Variants in CDH12 observed in about 807,000 individuals in gnomAD.
The protein encoded by CDH12 is cadherin 12.
CDH12 carries 41 observed loss-of-function variants against 74.1 expected under a neutral mutation model. That is an observed-to-expected ratio of 0.55 (90% confidence interval 0.43 to 0.72). CDH12 has a LOEUF of 0.72. Among genes scored for constraint, CDH12 ranks in the 30% least tolerant of loss-of-function variants. CDH12 has a pLI of 0.00. For synonymous variants in CDH12, 399 were observed against 355.0 expected, an observed-to-expected ratio of 1.12 and a Z score of -1.39; for missense variants, 945 against 977.2, an observed-to-expected ratio of 0.97 and a Z score of 0.44.
intron 1 of CDH12, among the ~76,000 whole-genome samples, chr5:22,779,575 A>C (rs1361551958): frequency 6.6e-6 from 1 of 152,162 alleles, no homozygotes; most frequent in African/African-American, 2.4e-5. Context: ...TAATCCCCAC[A>C]TCGAGGGAGG....
chr5:22,725,202 T>C (rs1744099706), intron 1 of CDH12, among the ~76,000 whole-genome samples: 1 of 151,950 alleles, frequency 6.6e-6, no homozygotes, highest in Non-Finnish European at 1.5e-5. Flanking sequence ...ACCTGTTCTC[T>C]TTAATTTAGT....
chr5:21,920,645 A>G (rs1218426948), intron 6 of CDH12, among the ~76,000 whole-genome samples: 1 of 107,620 alleles, frequency 9.3e-6, no homozygotes. Flanking sequence ...CACATTCTGC[A>G]CATGTACCCC....
chr5:22,512,493 G>A (rs1367024922), intron 1 of CDH12, among the ~76,000 whole-genome samples: 2 of 152,148 alleles, frequency 1.3e-5, no homozygotes, highest in East Asian at 1.9e-4. Context: ...CTAGTTTGGG[G>A]TAAGTACAGT....
At chr5:22,760,257 G>T (rs1746136840) in intron 1 of CDH12, among the ~76,000 whole-genome samples, 1 of 152,174 alleles carries the variant, frequency 6.6e-6, no homozygotes, top group African/African-American at 2.4e-5. Context: ...AATACAGTTT[G>T]TTGGTTAACT....
chr5:22,569,122 T>C (rs1739425656), intron 1 of CDH12, among the ~76,000 whole-genome samples: 1 of 152,214 alleles, frequency 6.6e-6, no homozygotes, highest in Non-Finnish European at 1.5e-5. Flanking sequence ...AGAACTTCTT[T>C]CAAAATTGTA....
chr5:22,605,414 G>A (rs928412448), intron 1 of CDH12, among the ~76,000 whole-genome samples: 2 of 152,208 alleles, frequency 1.3e-5, no homozygotes, highest in Admixed American at 1.3e-4. Flanking sequence ...GAAGGAAAAT[G>A]TCTGTAGCCT....
intron 1 of CDH12, among the ~76,000 whole-genome samples, chr5:22,650,053 A>C (rs1056594566): frequency 2.0e-5 from 3 of 152,098 alleles, no homozygotes; most frequent in African/African-American, 7.2e-5. Flanking sequence ...AAATTAAATC[A>C]TAAAATAATA....
intron 3 of CDH12, among the ~76,000 whole-genome samples, chr5:22,297,238 C>T (rs1365605514): frequency 6.6e-6 from 1 of 152,104 alleles, no homozygotes; most frequent in African/African-American, 2.4e-5. Flanking sequence ...TCAGGCTGGT[C>T]TCAAACTCCC....
At chr5:21,994,652 A>G (rs933303769) in intron 5 of CDH12, among the ~76,000 whole-genome samples, 17 of 152,176 alleles carry the variant, frequency 1.1e-4, no homozygotes, top group African/African-American at 4.1e-4. Context: ...CATCATTTAT[A>G]CAGTTGGAAA....
chr5:22,521,666 A>C (rs972480303), intron 1 of CDH12, among the ~76,000 whole-genome samples: 15 of 152,190 alleles, frequency 9.9e-5, no homozygotes, highest in Non-Finnish European at 1.5e-4. Context: ...AAGGAGCCAG[A>C]CACTAAATAT....
At chr5:21,785,521 T>G (rs1029912105) in intron 10 of CDH12, among the ~76,000 whole-genome samples, 1 of 152,182 alleles carries the variant, frequency 6.6e-6, no homozygotes, top group Non-Finnish European at 1.5e-5. Context: ...AAATTGAAAG[T>G]GCTACTCCAG....
intron 5 of CDH12, among the ~76,000 whole-genome samples, chr5:22,077,906 T>C (rs1204975553): frequency 3.3e-5 from 5 of 152,150 alleles, no homozygotes; most frequent in African/African-American, 9.6e-5. Flanking sequence ...AAATTATTTA[T>C]AAAGCTTAAG....
At chr5:22,110,699 G>A (rs942468843) in intron 4 of CDH12, among the ~76,000 whole-genome samples, 1 of 152,168 alleles carries the variant, frequency 6.6e-6, no homozygotes, top group Non-Finnish European at 1.5e-5. Context: ...ATCTGCAGAA[G>A]CAATTGGGGA....
intron 1 of CDH12, among the ~76,000 whole-genome samples, chr5:22,806,082 A>G (rs377156472): frequency 3.3e-5 from 5 of 152,106 alleles, no homozygotes; most frequent in African/African-American, 9.7e-5. Context: ...AGTTGGTTCC[A>G]AGTCTTTGCT....
chr5:22,767,570 T>C (rs1746582891), intron 1 of CDH12, among the ~76,000 whole-genome samples: 1 of 151,944 alleles, frequency 6.6e-6, no homozygotes, highest in Non-Finnish European at 1.5e-5. Flanking sequence ...TATAATATAA[T>C]AATTACCTGA....
intron 5 of CDH12, among the ~76,000 whole-genome samples, chr5:22,054,574 G>C (rs1740607242): frequency 6.6e-6 from 1 of 151,786 alleles, no homozygotes; most frequent in Non-Finnish European, 1.5e-5. Flanking sequence ...GACCATTTTG[G>C]CAAAGATCTG....
chr5:22,336,924 G>T (rs192533416), intron 3 of CDH12, among the ~76,000 whole-genome samples: 1 of 152,162 alleles, frequency 6.6e-6, no homozygotes, highest in East Asian at 1.9e-4. Flanking sequence ...TGGAAACACT[G>T]CAGATACTCA....
chr5:22,512,211 T>G (rs1736642073), intron 1 of CDH12, among the ~76,000 whole-genome samples: 1 of 152,176 alleles, frequency 6.6e-6, no homozygotes, highest in Admixed American at 6.5e-5. Context: ...AAGACTATAT[T>G]AAGTGAAGGC....
intron 3 of CDH12, among the ~76,000 whole-genome samples, chr5:22,215,444 A>G (rs914593561): frequency 6.6e-6 from 1 of 152,150 alleles, no homozygotes; most frequent in Non-Finnish European, 1.5e-5. Context: ...AAAAAAATTC[A>G]CAAAAAAAAC....
Sources: gnomAD v4.1 joint callset for allele counts (sites outside exome capture counted in the v4.1 genomes callset) on GRCh38, gnomAD v4.1.1 for gene constraint, MANE v1.5 for transcripts, NCBI Gene and HGNC (gene_info 2026-07-23, HGNC 2026-07-21) for gene names.